SH3D19: variants seen among roughly 807,000 people sequenced by gnomAD.
The protein encoded by SH3D19 is SH3 domain-containing protein 19.
In SH3D19, 58 loss-of-function variants were observed where a neutral mutation model predicts 112.1. The observed-to-expected ratio is 0.52, with a 90% CI of 0.42 to 0.64. SH3D19 has a LOEUF of 0.64. SH3D19 is among the 30% of genes least tolerant of loss of function. The pLI is 0.00. For missense variants in SH3D19, 1,090 were observed against 1,263.4 expected, an observed-to-expected ratio of 0.86 and a Z score of 2.08; for synonymous variants, 391 against 448.5, an observed-to-expected ratio of 0.87 and a Z score of 1.62.
At chr4:151,272,036 G>A (rs1393310000) in intron 1 of SH3D19, among the ~76,000 whole-genome samples, 3 of 152,150 alleles carry the variant, frequency 2.0e-5, no homozygotes, top group South Asian at 4.1e-4. Context: ...TCCTTGGGGT[G>A]AGCATTAAGA....
chr4:151,277,330 T>C (rs1773729551), intron 1 of SH3D19: 1 of 860,424 alleles, frequency 1.2e-6, no homozygotes, highest in Non-Finnish European at 1.6e-6. Context: ...TAGTTATGAG[T>C]AGCACAGCCT....
At chr4:151,303,794 C>T (rs1440786587) in intron 1 of SH3D19, among the ~76,000 whole-genome samples, 2 of 152,124 alleles carry the variant, frequency 1.3e-5, no homozygotes, top group African/African-American at 4.8e-5. Context: ...GTAAGCTGCC[C>T]ATTCAAGGTC....
chr4:151,192,633 A>G (rs56085192), intron 2 of SH3D19, among the ~76,000 whole-genome samples: 402 of 152,334 alleles, frequency 2.6e-3, no homozygotes, highest in Non-Finnish European at 4.0e-3. Context: ...TTCACAACAC[A>G]TACTTCTCAT....
At chr4:151,272,988 A>C (rs1156575281) in intron 1 of SH3D19, among the ~76,000 whole-genome samples, 4 of 152,108 alleles carry the variant, frequency 2.6e-5, no homozygotes, top group Admixed American at 2.6e-4. Context: ...GTCCAACTAC[A>C]TTTATTAGTT....
intron 1 of SH3D19, among the ~76,000 whole-genome samples, chr4:151,308,174 G>A (rs986415940): frequency 6.6e-6 from 1 of 152,146 alleles, no homozygotes; most frequent in African/African-American, 2.4e-5. Context: ...CCAAAGTGCT[G>A]GGATTACAAG....
intron 2 of SH3D19, among the ~76,000 whole-genome samples, chr4:151,191,830 A>G (rs551895180): frequency 6.6e-6 from 1 of 152,034 alleles, no homozygotes; most frequent in South Asian, 2.1e-4. Context: ...TATTTTTAGT[A>G]GAGATGGGGT....
At chr4:151,255,025 CG>C (rs1480207246) in intron 1 of SH3D19, among the ~76,000 whole-genome samples, 5 of 149,584 alleles carry the variant, frequency 3.3e-5, no homozygotes, top group Non-Finnish European at 7.4e-5. Context: ...TAGGGGCGGC[CG>C]GGCAGAGGCG....
chr4:151,226,165 T>C, intron 1 of SH3D19, 79 bp from the exon 2 acceptor site: 1 of 1,230,250 alleles, frequency 8.1e-7, no homozygotes, highest in Non-Finnish European at 1.0e-6. Context: ...CCAGCTGCCA[T>C]ACCATTAGAT....
chr4:151,142,016 C>G (rs900962149), intron 12 of SH3D19, among the ~76,000 whole-genome samples: 1 of 152,224 alleles, frequency 6.6e-6, no homozygotes, highest in East Asian at 1.9e-4. Context: ...GGGTTGCCAA[C>G]AAGTGGTCCA....
intron 1 of SH3D19, among the ~76,000 whole-genome samples, chr4:151,230,593 G>T (rs1769532758): frequency 6.6e-6 from 1 of 150,526 alleles, no homozygotes; most frequent in African/African-American, 2.5e-5. Flanking sequence ...GGTTTAAAGT[G>T]AGTCTTTTTT....
intron 11 of SH3D19, among the ~76,000 whole-genome samples, chr4:151,145,348 C>T (rs1037325847): frequency 3.9e-5 from 6 of 152,178 alleles, no homozygotes; most frequent in African/African-American, 1.4e-4. Context: ...TGAAGAACCA[C>T]AAAAGATGAC....
chr4:151,189,317 G>A (rs1380959962), intron 2 of SH3D19, among the ~76,000 whole-genome samples: 2 of 152,046 alleles, frequency 1.3e-5, no homozygotes, highest in Non-Finnish European at 2.9e-5. Flanking sequence ...GTTTCACTGT[G>A]CTAGCCAGGA....
chr4:151,135,990 A>ACAAAACAAAAC (rs1751758374), intron 14 of SH3D19, among the ~76,000 whole-genome samples: 1 of 126,672 alleles, frequency 7.9e-6, no homozygotes, highest in African/African-American at 4.0e-5. Context: ...TGTCTCAAAA[A>ACAAAACAAAAC]CAAAACAAAA....
chr4:151,322,691 AAC>A (rs1730670190), intron 1 of SH3D19, among the ~76,000 whole-genome samples: 2 of 152,192 alleles, frequency 1.3e-5, no homozygotes, highest in African/African-American at 2.4e-5. Context: ...TCATTTTAAA[AAC>A]ACACACACAT....
At chr4:151,278,722 C>A (rs1773890344) in intron 1 of SH3D19, among the ~76,000 whole-genome samples, 1 of 152,122 alleles carries the variant, frequency 6.6e-6, no homozygotes, top group Non-Finnish European at 1.5e-5. Flanking sequence ...CCTCCACCTC[C>A]CGGGCTCAAG....
At chr4:151,142,936 G>A (rs1016657515) in intron 12 of SH3D19, among the ~76,000 whole-genome samples, 3 of 152,170 alleles carry the variant, frequency 2.0e-5, no homozygotes, top group Admixed American at 2.0e-4. Context: ...ACTTTGCACT[G>A]TTATAAAAGA....
intron 2 of SH3D19, among the ~76,000 whole-genome samples, chr4:151,222,198 T>C (rs1298995353): frequency 6.6e-6 from 1 of 152,220 alleles, no homozygotes; most frequent in Non-Finnish European, 1.5e-5. Flanking sequence ...CAGAGGTGCA[T>C]TCTGTCCTCC....
At chr4:151,162,181 G>A (rs1026051561) in intron 8 of SH3D19, among the ~76,000 whole-genome samples, 3 of 150,252 alleles carry the variant, frequency 2.0e-5, no homozygotes, top group African/African-American at 7.4e-5. Context: ...CCCGGTGTGT[G>A]ATATTCTCCT....
intron 1 of SH3D19, among the ~76,000 whole-genome samples, chr4:151,251,419 C>T (rs187232096): frequency 1.3e-4 from 20 of 152,172 alleles, no homozygotes; most frequent in Non-Finnish European, 2.2e-4. Context: ...AGGCTGGTCT[C>T]GAACTCCTGA....
Sources: gnomAD v4.1 joint callset for allele counts (sites outside exome capture counted in the v4.1 genomes callset) on GRCh38, gnomAD v4.1.1 for gene constraint, MANE v1.5 for transcripts, NCBI Gene and HGNC (gene_info 2026-07-23, HGNC 2026-07-21) for gene names.